SLC5A8: variants seen among roughly 807,000 people sequenced by gnomAD.
The protein encoded by SLC5A8 is sodium-coupled monocarboxylate transporter 1.
A neutral mutation model predicts 71.9 loss-of-function variants in SLC5A8; 55 were observed. The observed-to-expected ratio is 0.77, with a 90% CI of 0.62 to 0.96. The LOEUF (loss-of-function observed/expected upper bound fraction) is 0.96, where lower values mean the gene tolerates loss of function less well. Among genes scored for constraint, SLC5A8 ranks in the 40% least tolerant of loss-of-function variants. SLC5A8 has a pLI of 0.00. For synonymous variants in SLC5A8, 307 were observed against 276.1 expected (o/e 1.11, Z -1.11); for missense variants, 701 against 745.3 (o/e 0.94, Z 0.69).
chr12:101,180,056 CA>C lies in SLC5A8; in HGVS notation c.1205del (p.Leu402ArgfsTer45). The C allele has an allele frequency of 6.2e-7, 1 of 1,614,002 alleles. No homozygotes were observed. Among genetic ancestry groups the C allele is most frequent in the Non-Finnish European group, 8.5e-7 (1 of 1,179,944 alleles). On this transcript the variant is annotated frameshift_variant, in exon 10 of 15. Coordinates refer to ENST00000536262, the MANE Select transcript of SLC5A8 (RefSeq NM_145913.5). LOFTEE classifies it high-confidence loss of function. ...YGALCIGMAA[L>X]ASLMGALLQA... ...GCAACAAAGCTCCCATAAGTGACGCCAGCGCAGCCATTCCAATACACAGGGC... is the reference window on the plus strand; with the variant it reads ...GCAACAAAGCTCCCATAAGTGACGCCGCGCAGCCATTCCAATACACAGGGC...
rs1404580523 is a variant in SLC5A8, at chr12:101,200,468, A to G, written c.469+1696T>C. On this transcript the variant is annotated intron_variant, in intron 3 of 14. Coordinates refer to ENST00000536262, the MANE Select transcript of SLC5A8 (RefSeq NM_145913.5). Reference sequence around the variant, plus strand: ...AGAAAGAAAGAAAAACTGGTTTTCAATTTTAAAAAGCAGAAAAGGGAAACT... The same window carrying G: ...AGAAAGAAAGAAAAACTGGTTTTCAGTTTTAAAAAGCAGAAAAGGGAAACT... Among the ~76,000 whole-genome samples, 4 of 152,214 alleles carry G rather than the reference A, an allele frequency of 2.6e-5. No homozygotes were observed. The East Asian group carries it at 5.8e-4, about 22-fold the overall frequency.
intron 3 of SLC5A8, among the ~76,000 whole-genome samples, chr12:101,196,867 T>C (rs1321830843): frequency 6.6e-6 from 1 of 152,200 alleles, no homozygotes; most frequent in Non-Finnish European, 1.5e-5. Flanking sequence ...ACTGGGCCAC[T>C]CAACAGCCTA....
intron 5 of SLC5A8, among the ~76,000 whole-genome samples, chr12:101,191,217 A>G (rs1031217696): frequency 6.6e-6 from 1 of 152,222 alleles, no homozygotes; most frequent in African/African-American, 2.4e-5. Flanking sequence ...CCACTTTATG[A>G]CATCATGTAC....
Position 101,185,641 on chromosome 12 carries a change from C to T in SLC5A8, c.964-1419G>A, listed in dbSNP as rs189372391. ...TCACCCAGGTTGGAGTGCAGTGGCT[C>T]GATCTCGGCTCACTGCAATCTCCAC... On this transcript the variant is annotated intron_variant, in intron 7 of 14. Coordinates refer to ENST00000536262, the MANE Select transcript of SLC5A8 (RefSeq NM_145913.5). 3.8e-3 allele frequency among the ~76,000 whole-genome samples: 577 copies of T among 152,244 alleles called. 6 individuals carry two copies. Among genetic ancestry groups the T allele is most frequent in the African/African-American group, 0.013 (552 of 41,530 alleles).
At chr12:101,189,443 T>A (rs781480357) in intron 6 of SLC5A8, among the ~76,000 whole-genome samples, 4 of 152,196 alleles carry the variant, frequency 2.6e-5, no homozygotes, top group Non-Finnish European at 5.9e-5. Flanking sequence ...CATTTTCTCC[T>A]TTAAATAGAA....
intron 8 of SLC5A8, among the ~76,000 whole-genome samples, chr12:101,183,824 G>T (rs1180909250): frequency 6.6e-6 from 1 of 152,080 alleles, no homozygotes; most frequent in Non-Finnish European, 1.5e-5. Context: ...TCAAGACTGT[G>T]GCACCCATTT....
intron 10 of SLC5A8, among the ~76,000 whole-genome samples, chr12:101,173,857 C>A (rs575374112): frequency 6.6e-6 from 1 of 152,314 alleles, no homozygotes; most frequent in Admixed American, 6.5e-5. Flanking sequence ...GCAACCCTCC[C>A]ACAGCAGGAG....
At chr12:101,195,430 G>A (rs1869127091) in intron 3 of SLC5A8, among the ~76,000 whole-genome samples, 1 of 152,116 alleles carries the variant, frequency 6.6e-6, no homozygotes, top group Non-Finnish European at 1.5e-5. Flanking sequence ...TTGTAATTAA[G>A]CTAAGAAACT....
chr12:101,162,686 A>G (rs1288564887), intron 12 of SLC5A8, among the ~76,000 whole-genome samples: 1 of 152,218 alleles, frequency 6.6e-6, no homozygotes, highest in East Asian at 1.9e-4. Flanking sequence ...AGTAGGAGCT[A>G]AATGTTGGTT....
intron 3 of SLC5A8, among the ~76,000 whole-genome samples, chr12:101,195,695 C>CTTT (rs11338261): frequency 8.2e-5 from 8 of 97,396 alleles, no homozygotes; most frequent in South Asian, 6.8e-4. Flanking sequence ...ATGGTAATTC[C>CTTT]TTTTTTTTTT....
chr12:101,188,004 C>T (rs1441876838), intron 6 of SLC5A8, among the ~76,000 whole-genome samples: 1 of 152,126 alleles, frequency 6.6e-6, no homozygotes, highest in African/African-American at 2.4e-5. Context: ...ATCTGTATTC[C>T]TTGGACAGGT....
intron 11 of SLC5A8, among the ~76,000 whole-genome samples, chr12:101,167,455 T>C (rs977144972): frequency 6.6e-6 from 1 of 152,208 alleles, no homozygotes; most frequent in African/African-American, 2.4e-5. Flanking sequence ...AACTACATCT[T>C]ATAGCCAGAC....
intron 10 of SLC5A8, among the ~76,000 whole-genome samples, chr12:101,177,068 A>G (rs1479858338): frequency 6.6e-6 from 1 of 152,144 alleles, no homozygotes; most frequent in African/African-American, 2.4e-5. Flanking sequence ...AATATTAGGA[A>G]TGGAACAGGG....
At chr12:101,185,843 G>A (rs990047252) in intron 7 of SLC5A8, among the ~76,000 whole-genome samples, 1 of 152,134 alleles carries the variant, frequency 6.6e-6, no homozygotes, top group African/African-American at 2.4e-5. Context: ...CTTCCCAAGT[G>A]TTAAGATTAC....
chr12:101,184,302 G>A (rs1221125973), intron 7 of SLC5A8, 80 bp from the exon 8 acceptor site: 1 of 1,182,380 alleles, frequency 8.5e-7, no homozygotes, highest in African/African-American at 1.5e-5. Context: ...CATTTGTCTT[G>A]TCTCCTTCGG....
rs1359435369 is a variant in SLC5A8, at chr12:101,204,502, T to C, written c.415A>G (p.Thr139Ala). Residue 139 changes from threonine to alanine, a missense_variant and splice_region_variant, in exon 2 of 15, where the codon ACA becomes GCA. Thr to Ala is a moderately conservative substitution (Grantham distance 58). Coordinates refer to ENST00000536262, the MANE Select transcript of SLC5A8 (RefSeq NM_145913.5). ...AAAATAAATGGAGAGCTACTTACTG[T>C]TTGAACAATGAAGAGGACTGTTCCA... ...LCGTVLFIVQTILYTGIVIYA... is the reference protein window; with the variant it reads ...LCGTVLFIVQAILYTGIVIYA... The C allele has an allele frequency of 1.2e-5, 19 of 1,594,542 alleles. No homozygotes were observed. The highest frequency in any genetic ancestry group is 1.8e-5 in the Admixed American group (1 of 55,498).
chr12:101,178,635 C>T (rs369877909), intron 10 of SLC5A8, among the ~76,000 whole-genome samples: 1 of 152,224 alleles, frequency 6.6e-6, no homozygotes, highest in African/African-American at 2.4e-5. Context: ...ACCTAAGTCT[C>T]ACATTTTATA....
rs2051732006 is a variant in SLC5A8, at chr12:101,162,372, C to T, written c.1527-295G>A. ...TAAATAAGGTAGATAAACCATTTGA[C>T]CCAGCAATCCCACTACTGGGTATAC... On this transcript the variant is annotated intron_variant, in intron 12 of 14. Transcript: ENST00000536262. 2.0e-5 allele frequency among the ~76,000 whole-genome samples: 3 copies of T among 152,124 alleles called. No individual in the cohort carries two copies. The South Asian group carries it at 6.2e-4, about 32-fold the overall frequency.
intron 1 of SLC5A8, among the ~76,000 whole-genome samples, chr12:101,207,200 T>C (rs984384405): frequency 5.3e-5 from 8 of 152,196 alleles, no homozygotes; most frequent in African/African-American, 1.9e-4. Flanking sequence ...ACGTGTCCTA[T>C]ATTGCTTCCC....
Sources: gnomAD v4.1 joint callset for allele counts (sites outside exome capture counted in the v4.1 genomes callset) on GRCh38, gnomAD v4.1.1 for gene constraint, MANE v1.5 for transcripts, NCBI Gene and HGNC (gene_info 2026-07-23, HGNC 2026-07-21) for gene names.